The following PANK1 variants were observed in gnomAD, a reference collection of about 807,000 sequenced individuals.
PANK1 encodes pantothenate kinase 1.
In PANK1, 18 loss-of-function variants were observed where a neutral mutation model predicts 40.1. The observed-to-expected ratio is 0.45, with a 90% CI of 0.31 to 0.67. The LOEUF is 0.67. PANK1 is among the 30% of genes least tolerant of loss of function. The probability of loss-of-function intolerance (pLI) is 0.06; values close to 1 mark genes in which losing one functional copy is unlikely to be tolerated. For missense variants in PANK1, 457 were observed against 599.6 expected, an observed-to-expected ratio of 0.76 and a Z score of 2.48; for synonymous variants, 242 against 237.7, an observed-to-expected ratio of 1.02 and a Z score of -0.17.
Position 89,595,834 on chromosome 10 carries a change from ATATATATATAT to A in PANK1, c.900-1856_900-1846del, listed in dbSNP as rs1294409932. On this transcript the variant is annotated intron_variant, in intron 3 of 6. Coordinates refer to ENST00000307534, the MANE Select transcript of PANK1 (RefSeq NM_148977.3). ...TCCATCTTAAAAAAAAAAAAAAAAA[ATATATATATAT>A]ATATATATATATATATATATATATA... Among the ~76,000 whole-genome samples, 65 of 44,236 alleles carry A rather than the reference ATATATATATAT, an allele frequency of 1.5e-3. 1 individual carries two copies. Among genetic ancestry groups the A allele is most frequent in the Middle Eastern group, 0.013 (1 of 78 alleles). 29.0% of individuals were successfully genotyped at this position (44,236 alleles called of 152,430 possible).
intron 1 of PANK1, among the ~76,000 whole-genome samples, chr10:89,632,497 GA>G (rs997329237): frequency 2.0e-5 from 3 of 148,338 alleles, no homozygotes; most frequent in African/African-American, 7.4e-5. Context: ...ATCTATTTAA[GA>G]AAAAAAAAAT....
intron 1 of PANK1, among the ~76,000 whole-genome samples, chr10:89,618,328 G>T (rs1174838550): frequency 6.6e-6 from 1 of 152,142 alleles, no homozygotes; most frequent in African/African-American, 2.4e-5. Flanking sequence ...GTGTGGGGGG[G>T]TGGTGATGAA....
intron 1 of PANK1, among the ~76,000 whole-genome samples, chr10:89,628,347 C>T (rs947874419): frequency 3.3e-5 from 5 of 152,014 alleles, no homozygotes; most frequent in Middle Eastern, 3.2e-3. Flanking sequence ...TATCTGGCCA[C>T]AAAAAAGGAC....
Position 89,631,971 on chromosome 10 carries a change from TGTGTG to T in PANK1, c.292+12624_292+12628del, listed in dbSNP as rs200669972. ...AAATAACAGATTGTGTGTGTGTGTG[TGTGTG>T]TTTTTTTTTTTAAAAAGGGTTCTTT... On this transcript the variant is annotated intron_variant, in intron 1 of 6. Coordinates refer to ENST00000307534, the MANE Select transcript of PANK1 (RefSeq NM_148977.3). Among the ~76,000 whole-genome samples the T allele has an allele frequency of 6.0e-5, 5 of 82,776 alleles. No individual in the cohort carries two copies. The South Asian group carries it at 2.2e-3, about 36-fold the overall frequency. 54.3% of individuals were successfully genotyped at this position (82,776 alleles called of 152,430 possible).
chr10:89,645,054 T>C lies in PANK1; in HGVS notation c.-163A>G. ...GAACCCGGCGCTCCTCCCCTCCTCCTGCCGACTCCCCCACCTCCTCTGCGC... is the reference window on the plus strand; with the variant it reads ...GAACCCGGCGCTCCTCCCCTCCTCCCGCCGACTCCCCCACCTCCTCTGCGC... On this transcript the variant is annotated 5_prime_UTR_variant, in exon 1 of 7. Coordinates refer to ENST00000307534, the MANE Select transcript of PANK1 (RefSeq NM_148977.3). 6.4e-7 allele frequency: 1 copy of C among 1,561,426 alleles called. No individual in the cohort carries two copies.
Position 89,613,838 on chromosome 10 carries a change from G to A in PANK1, c.293-1790C>T, listed in dbSNP as rs369340928. On this transcript the variant is annotated intron_variant, in intron 1 of 6. Transcript: ENST00000307534. ...CAGCATGGGCCACAGTGTAGGAGCAGCATGTTGTAATAGGTAAAGCCCCAG... is the reference window on the plus strand; with the variant it reads ...CAGCATGGGCCACAGTGTAGGAGCAACATGTTGTAATAGGTAAAGCCCCAG... Among the ~76,000 whole-genome samples the A allele has an allele frequency of 5.9e-5, 9 of 152,194 alleles. No homozygotes were observed. The East Asian group carries it at 1.5e-3, about 26-fold the overall frequency.
chr10:89,642,994 T>G (rs1033269795), intron 1 of PANK1, among the ~76,000 whole-genome samples: 2 of 152,176 alleles, frequency 1.3e-5, no homozygotes, highest in Non-Finnish European at 2.9e-5. Flanking sequence ...TAAAATAATT[T>G]CTGTGGGTTT....
At position 89,593,936 on chromosome 10, in the gene PANK1, G is replaced by T. The variant is rs781042386; in HGVS notation, c.953C>A (p.Thr318Asn). 1 of 1,613,384 alleles carries T rather than the reference G, an allele frequency of 6.2e-7. No individual in the cohort carries two copies. Among genetic ancestry groups the T allele is most frequent in the South Asian group, 1.1e-5 (1 of 91,066 alleles). ...GLCCLLTGCE[T>N]FEEALEMAAK... ...TGCCATTTCCAGAGCTTCTTCAAAGGTCTCACAACCAGTCAGCAAGCAACA... is the reference window on the plus strand; with the variant it reads ...TGCCATTTCCAGAGCTTCTTCAAAGTTCTCACAACCAGTCAGCAAGCAACA... The change falls in exon 4 of 7, where the codon ACC becomes AAC. Residue 318 changes from threonine (T) to asparagine (N), a missense_variant. Coordinates refer to ENST00000307534, the MANE Select transcript of PANK1 (RefSeq NM_148977.3).
intron 2 of PANK1, among the ~76,000 whole-genome samples, chr10:89,610,835 T>C (rs766076907): frequency 2.0e-5 from 3 of 152,240 alleles, no homozygotes; most frequent in Non-Finnish European, 4.4e-5. Context: ...ATCACTTTTG[T>C]TTATCTAGCT....
At position 89,583,588 on chromosome 10, in the gene PANK1, T is replaced by C. The variant is rs916984412; in HGVS notation, c.*818A>G. 6.6e-6 allele frequency: 1 copy of C among 152,214 alleles called. No homozygotes were observed. The highest frequency in any genetic ancestry group is 2.4e-5 in the African/African-American group (1 of 41,466). The allele number at this position is 152,214 out of a possible 1,614,324, so 9.4% of individuals were successfully genotyped here. A position where few individuals can be genotyped will look rare whatever the true frequency, so the allele number is the denominator to read the frequency against. On this transcript the variant is annotated 3_prime_UTR_variant, in exon 7 of 7. Coordinates refer to ENST00000307534, the MANE Select transcript of PANK1 (RefSeq NM_148977.3). Reference sequence around the variant, plus strand: ...AATCACAGACTATTTCAACTTAATATAACCTAGCATAAAATAAATCCAATG... The same window carrying C: ...AATCACAGACTATTTCAACTTAATACAACCTAGCATAAAATAAATCCAATG...
At chr10:89,636,673 G>C (rs1299213717) in intron 1 of PANK1, among the ~76,000 whole-genome samples, 2 of 151,580 alleles carry the variant, frequency 1.3e-5, no homozygotes, top group East Asian at 3.9e-4. Context: ...GGATGGTCTC[G>C]ATCTCCTGAC....
Position 89,644,678 on chromosome 10 carries a change from G to C in PANK1, c.214C>G (p.Leu72Val). Residue 72 changes from leucine to valine, a missense_variant, in exon 1 of 7, where the codon CTG becomes GTG. Transcript: ENST00000307534. ...GCCGGGGAGTCATGCTGAGGGAGCAGTGGCTGCGGCTGCAGCTCCGGCAGG... is the reference window on the plus strand; with the variant it reads ...GCCGGGGAGTCATGCTGAGGGAGCACTGGCTGCGGCTGCAGCTCCGGCAGG... ...PLLPELQPQP[L>V]LPQHDSPAKK... The C allele has an allele frequency of 1.3e-6, 2 of 1,562,492 alleles. No homozygotes were observed. Among genetic ancestry groups the C allele is most frequent in the South Asian group, 1.2e-5 (1 of 85,774 alleles).
At chr10:89,600,016 A>G (rs942110000) in intron 2 of PANK1, among the ~76,000 whole-genome samples, 1 of 152,204 alleles carries the variant, frequency 6.6e-6, no homozygotes. Context: ...CAACAGGCCA[A>G]TGAATGCTGA....
At chr10:89,644,082 GTAGT>G (rs1028165079) in intron 1 of PANK1, 2 of 241,752 alleles carry the variant, frequency 8.3e-6, no homozygotes, top group Admixed American at 5.1e-5. Flanking sequence ...ATTTTGGGGG[GTAGT>G]TAAACTCCAC....
intron 2 of PANK1, among the ~76,000 whole-genome samples, chr10:89,605,134 C>T (rs906492190): frequency 5.9e-5 from 9 of 151,800 alleles, no homozygotes; most frequent in African/African-American, 2.2e-4. Flanking sequence ...ATCATCTGAG[C>T]CTTCAGATTA....
In PANK1 at chr10:89,623,235, T is replaced by C. The variant is rs147200960; in HGVS notation, c.293-11187A>G. 6.0e-3 allele frequency among the ~76,000 whole-genome samples: 914 copies of C among 152,276 alleles called. 11 individuals carry two copies. The highest frequency in any genetic ancestry group is 0.021 in the African/African-American group (872 of 41,546). On this transcript the variant is annotated intron_variant, in intron 1 of 6. Coordinates refer to ENST00000307534, the MANE Select transcript of PANK1 (RefSeq NM_148977.3). ...ATTTTTTTGTTTTGTTTTGTTTTTG[T>C]TTTTGAGATGCAGACTTGCTCTGTG...
At chr10:89,642,607 C>A (rs1000462003) in intron 1 of PANK1, among the ~76,000 whole-genome samples, 13 of 152,264 alleles carry the variant, frequency 8.5e-5, no homozygotes, top group Non-Finnish European at 1.3e-4. Context: ...TCTTAGAGTA[C>A]CTAATTCCTC....
At position 89,644,642 on chromosome 10, in the gene PANK1, G is replaced by A. The variant is rs1173920154; in HGVS notation, c.250C>T (p.Arg84Trp). ...PQHDSPAKKCRLRRRMDSGRK... is the reference protein window; with the variant it reads ...PQHDSPAKKCWLRRRMDSGRK... Reference sequence around the variant, plus strand: ...CCCGAGTCCATCCTCCTCCGCAGCCGGCATTTCTTGGCCGGGGAGTCATGC... The same window carrying A: ...CCCGAGTCCATCCTCCTCCGCAGCCAGCATTTCTTGGCCGGGGAGTCATGC... Residue 84 changes from arginine to tryptophan, a missense_variant, in exon 1 of 7, where the codon CGG (arginine) becomes TGG (tryptophan). Arg to Trp is a moderately radical substitution (Grantham distance 101). Transcript: ENST00000307534. 1.9e-6 allele frequency: 3 copies of A among 1,583,442 alleles called. No individual in the cohort carries two copies. The highest frequency in any genetic ancestry group is 2.6e-6 in the Non-Finnish European group (3 of 1,170,528).
rs753842455 is a variant in PANK1, at chr10:89,644,656, G to T, written c.236C>A (p.Pro79Gln). 6.3e-7 allele frequency: 1 copy of T among 1,578,080 alleles called. No individual in the cohort carries two copies. The highest frequency in any genetic ancestry group is 2.3e-5 in the East Asian group (1 of 42,924). ...CCTCCGCAGCCGGCATTTCTTGGCC[G>T]GGGAGTCATGCTGAGGGAGCAGTGG... is the stretch of plus-strand genomic sequence containing the variant. ...PQPLLPQHDSPAKKCRLRRRM... is the reference protein window; with the variant it reads ...PQPLLPQHDSQAKKCRLRRRM... Residue 79 changes from proline to glutamine, a missense_variant, in exon 1 of 7, where the codon CCG (proline) becomes CAG (glutamine). This residue lies in a region of PANK1 where 144 missense variants were observed against 131.2 expected (regional missense o/e 1.10). Transcript: ENST00000307534.
Sources: allele counts gnomAD v4.1 joint callset (sites outside exome capture counted in the v4.1 genomes callset), GRCh38; gene constraint gnomAD v4.1.1; regional missense constraint gnomAD v4.1.1; transcripts MANE v1.5; gene names NCBI Gene and HGNC (gene_info 2026-07-23, HGNC 2026-07-21).